CCNB3: variants seen among roughly 807,000 people sequenced by gnomAD.
CCNB3 encodes the protein G2/mitotic-specific cyclin-B3.
A neutral mutation model predicts 68.0 loss-of-function variants in CCNB3; 12 were observed. That is an observed-to-expected ratio of 0.18 (90% confidence interval 0.11 to 0.29). CCNB3 has a LOEUF of 0.29. Among genes scored for constraint, CCNB3 ranks in the 10% least tolerant of loss-of-function variants. CCNB3 has a pLI of 1.00. For missense variants in CCNB3, 904 were observed against 993.1 expected (o/e 0.91, Z 1.21); for synonymous variants, 354 against 388.9 (o/e 0.91, Z 1.06).
chrX:50,297,246 G>A (rs1209563510), intron 5 of CCNB3, among the ~76,000 whole-genome samples: 16 of 111,611 alleles, frequency 1.4e-4, no homozygotes, highest in South Asian at 3.8e-4. Flanking sequence ...TTTCTTCTAG[G>A]GTTTTTATGG....
At chrX:50,226,425 G>A (rs1402953053) in intron 1 of CCNB3, among the ~76,000 whole-genome samples, 10 of 31,275 alleles carry the variant, frequency 3.2e-4, no homozygotes, top group African/African-American at 1.4e-3. Flanking sequence ...TATATATGTA[G>A]AATATATAAA....
At chrX:50,317,383 A>G (rs1336237984) in intron 8 of CCNB3, among the ~76,000 whole-genome samples, 2 of 110,958 alleles carry the variant, frequency 1.8e-5, no homozygotes, top group Non-Finnish European at 3.8e-5. Context: ...TTCTCTTACC[A>G]GTGTCTTTCC....
intron 8 of CCNB3, among the ~76,000 whole-genome samples, chrX:50,327,456 G>A (rs1382468573): frequency 1.8e-5 from 2 of 111,842 alleles, no homozygotes; most frequent in East Asian, 5.6e-4. Context: ...ATTGACTCTA[G>A]ATTTCGACCA....
At position 50,310,596 on chromosome X, in the gene CCNB3, C is replaced by A. The variant is rs781881598; in HGVS notation, c.2427C>A (p.Ser809Arg). Residue 809 changes from serine to arginine, a missense_variant, in exon 6 of 13, where the codon AGC becomes AGA. Physicochemically the swap from Ser to Arg is moderately radical, Grantham distance 110. Around this residue, in one of 2 missense-constraint regions of CCNB3, gnomAD observed 619 missense variants for 609.8 expected, o/e 1.02. Transcript: ENST00000376042. Reference protein sequence around the residue: ...KKLLAMQEEPSIEKEAVLKEP... With the variant: ...KKLLAMQEEPRIEKEAVLKEP... ...TTTTGGCCATGCAGGAGGAGCCCAG[C>A]ATTGAGAAGGAAGCTGTCCTCAAGG... 2.3e-5 allele frequency: 28 copies of A among 1,209,894 alleles called. No homozygotes were observed. The highest frequency in any genetic ancestry group is 8.7e-5 in the Admixed American group (4 of 45,729).
rs1030689467 is a variant in CCNB3, at chrX:50,291,723, A to G, written c.204+2836A>G. ...TTATGATCTCCACGTCTTTCTTGCC[A>G]TGAATGCACCTCTTTTCCCATTCTG... On this transcript the variant is annotated intron_variant, in intron 4 of 12. Transcript: ENST00000376042. 8.1e-5 allele frequency among the ~76,000 whole-genome samples: 9 copies of G among 111,765 alleles called. 1 individual carries two copies. Among genetic ancestry groups the G allele is most frequent in the South Asian group, 3.8e-4 (1 of 2,661 alleles).
intron 1 of CCNB3, among the ~76,000 whole-genome samples, chrX:50,279,308 A>T (rs1171627828): frequency 5.5e-5 from 4 of 72,366 alleles, no homozygotes; most frequent in Admixed American, 2.1e-4. Flanking sequence ...ATGAATATTT[A>T]TATTTAATAT....
chrX:50,279,561 A>C (rs1369524247), intron 1 of CCNB3, among the ~76,000 whole-genome samples: 4 of 86,754 alleles, frequency 4.6e-5, no homozygotes, highest in African/African-American at 1.7e-4. Context: ...AAATATATGA[A>C]TATATATTTT....
chrX:50,226,413 AAT>A (rs1211128226), intron 1 of CCNB3, among the ~76,000 whole-genome samples: 1 of 56,617 alleles, frequency 1.8e-5, no homozygotes. Flanking sequence ...ATATATATAG[AAT>A]ATATATGTAG....
At position 50,226,402 on chromosome X, in the gene CCNB3, A is replaced by AAT. The variant is rs1366831928; in HGVS notation, c.-113+21460_-113+21461dup. On this transcript the variant is annotated intron_variant, in intron 1 of 12. Coordinates refer to ENST00000376042, the MANE Select transcript of CCNB3 (RefSeq NM_033031.3). The stretch of plus-strand genomic sequence containing the variant: ...AATATATATATAGAATATATATAAA[A>AAT]ATATATATAGAATATATATGTAGAA... Among the ~76,000 whole-genome samples, 224 of 48,107 alleles carry AAT rather than the reference A, an allele frequency of 4.7e-3. 3 individuals are homozygous for AAT. The highest frequency in any genetic ancestry group is 0.023 in the African/African-American group (221 of 9,693). 41.8% of individuals were successfully genotyped at this position (48,107 alleles called of 115,157 possible).
rs191174442 is a variant in CCNB3, at chrX:50,333,097, C to T, written c.3517-9105C>T. ...ACTATTTTTGATAGTCCGATTCATTCGCTCCACCTTTCCGGAACTCTGAGG... is the reference window on the plus strand; with the variant it reads ...ACTATTTTTGATAGTCCGATTCATTTGCTCCACCTTTCCGGAACTCTGAGG... On this transcript the variant is annotated intron_variant, in intron 8 of 12. Transcript: ENST00000376042. Among the ~76,000 whole-genome samples, 5 of 111,681 alleles carry T rather than the reference C, an allele frequency of 4.5e-5. 1 individual carries two copies. The highest frequency in any genetic ancestry group is 2.8e-4 in the Admixed American group (3 of 10,547).
Position 50,342,199 on chromosome X carries a change from C to T in CCNB3, c.3517-3C>T. On this transcript the variant is annotated splice_region_variant and splice_polypyrimidine_tract_variant and intron_variant, in intron 8 of 12. Coordinates refer to ENST00000376042, the MANE Select transcript of CCNB3 (RefSeq NM_033031.3). The stretch of plus-strand genomic sequence containing the variant: ...GATCTGTGTCGTGTGTGTGTTCCTC[C>T]AGGTGTCCTTTGAGATGACCCATGA... The T allele has an allele frequency of 1.7e-6, 2 of 1,210,685 alleles. No homozygotes were observed. The highest frequency in any genetic ancestry group is 2.2e-6 in the Non-Finnish European group (2 of 895,057).
chrX:50,298,337 A>G (rs1222430649), intron 5 of CCNB3, among the ~76,000 whole-genome samples: 1 of 111,674 alleles, frequency 9.0e-6, no homozygotes, highest in Non-Finnish European at 1.9e-5. Context: ...AGTTTTTAGC[A>G]TGAAGGGTTG....
At chrX:50,227,206 T>C (rs1480935999) in intron 1 of CCNB3, among the ~76,000 whole-genome samples, 17 of 80,890 alleles carry the variant, frequency 2.1e-4, no homozygotes, top group Non-Finnish European at 3.7e-4. Context: ...AGAGAATATA[T>C]ATAAATATAT....
chrX:50,211,200 C>G (rs1184304150), intron 1 of CCNB3, among the ~76,000 whole-genome samples: 1 of 111,471 alleles, frequency 9.0e-6, no homozygotes, highest in Non-Finnish European at 1.9e-5. Context: ...GAGGCAAAAT[C>G]TACAGTGAGC....
intron 8 of CCNB3, among the ~76,000 whole-genome samples, chrX:50,337,968 G>A (rs1369482005): frequency 1.8e-5 from 2 of 112,319 alleles, no homozygotes; most frequent in Admixed American, 1.9e-4. Flanking sequence ...AAATGGAGGG[G>A]TAAGTTCCAA....
chrX:50,308,981 A>C lies in CCNB3; in HGVS notation c.812A>C (p.Lys271Thr), dbSNP rs782159444. Residue 271 changes from lysine to threonine, a missense_variant, in exon 6 of 13, where the codon AAG (lysine) becomes ACG (threonine). By Grantham distance (78) the Lys-to-Thr change is moderately conservative. This residue lies in a region of CCNB3 where 619 missense variants were observed against 609.8 expected (regional missense o/e 1.02). Transcript: ENST00000376042. ...FFMESMSFKK[K>T]PKTEESIPTH... Reference sequence around the variant, plus strand: ...ATGGAGTCAATGAGTTTTAAGAAGAAGCCTAAAACTGAGGAGTCAATCCCC... The same window carrying C: ...ATGGAGTCAATGAGTTTTAAGAAGACGCCTAAAACTGAGGAGTCAATCCCC... 3 of 1,209,715 alleles carry C rather than the reference A, an allele frequency of 2.5e-6. No individual in the cohort carries two copies. Among genetic ancestry groups the C allele is most frequent in the Non-Finnish European group, 3.4e-6 (3 of 893,633 alleles).
At chrX:50,322,340 A>G (rs1922063068) in intron 8 of CCNB3, among the ~76,000 whole-genome samples, 1 of 111,239 alleles carries the variant, frequency 9.0e-6, no homozygotes. Flanking sequence ...CCTATTTAAT[A>G]AATGGTGCTG....
intron 1 of CCNB3, among the ~76,000 whole-genome samples, chrX:50,208,512 C>G (rs782188088): frequency 9.2e-4 from 103 of 111,875 alleles, no homozygotes; most frequent in African/African-American, 3.2e-3. Flanking sequence ...TTGTAGTTCT[C>G]AGTGTACAAG....
chrX:50,294,096 C>T (rs1402564159), intron 4 of CCNB3, among the ~76,000 whole-genome samples: 3 of 109,765 alleles, frequency 2.7e-5, no homozygotes, highest in African/African-American at 9.9e-5. Flanking sequence ...GCCACCACAC[C>T]GAGCTATTTT....
Sources: gnomAD v4.1 joint callset for allele counts (sites outside exome capture counted in the v4.1 genomes callset) on GRCh38, gnomAD v4.1.1 for gene constraint, gnomAD v4.1.1 regional missense constraint, MANE v1.5 for transcripts, NCBI Gene and HGNC (gene_info 2026-07-23, HGNC 2026-07-21) for gene names.